SPIDR: variants seen among roughly 807,000 people sequenced by gnomAD.
SPIDR encodes DNA repair-scaffolding protein.
Under a neutral mutation model 104.6 loss-of-function variants are expected in SPIDR, and 93 were observed. That is an observed-to-expected ratio of 0.89 (90% CI 0.75 to 1.06). SPIDR has a LOEUF of 1.06. Among genes scored for constraint, SPIDR ranks in the 50% least tolerant of loss-of-function variants. The probability of loss-of-function intolerance (pLI) is 0.00; values close to 1 mark genes in which losing one functional copy is unlikely to be tolerated. For synonymous variants in SPIDR, 431 were observed against 416.9 expected (o/e 1.03, Z -0.41); for missense variants, 1,154 against 1,111.2 (o/e 1.04, Z -0.55).
intron 8 of SPIDR, chr8:47,512,168 A>C: frequency 8.0e-6 from 3 of 377,262 alleles, no homozygotes; most frequent in Non-Finnish European, 9.9e-6. Flanking sequence ...GCCTCCCCAC[A>C]TCCACTACTT....
In SPIDR at chr8:47,368,343, CAAAAAAAAAAAAAAAAAAAAAAAAAAA is replaced by C. The variant is rs34106189; in HGVS notation, c.526-28018_526-27992del. On this transcript the variant is annotated intron_variant, in intron 5 of 19. Coordinates refer to ENST00000297423, the MANE Select transcript of SPIDR (RefSeq NM_001080394.4). The stretch of plus-strand genomic sequence containing the variant: ...ACAGAGTCAGAAGGAGTTGAGAAGT[CAAAAAAAAAAAAAAAAAAAAAAAAAAA>C]AAAAAAAAAAAAAAGGATTTTGCTA... 5.9e-4 allele frequency among the ~76,000 whole-genome samples: 29 copies of C among 49,422 alleles called. No homozygotes were observed. In the East Asian group the frequency reaches 0.011, roughly 19 times the overall value. 32.4% of individuals were successfully genotyped at this position (49,422 alleles called of 152,430 possible). A position where few individuals can be genotyped will look rare whatever the true frequency, so the allele number is the denominator to read the frequency against.
At chr8:47,511,970 TG>T in intron 8 of SPIDR, 2 of 789,232 alleles carry the variant, frequency 2.5e-6, no homozygotes, top group African/African-American at 1.7e-5. Flanking sequence ...GACACTGAAC[TG>T]GGGGTTGCCT....
intron 5 of SPIDR, among the ~76,000 whole-genome samples, chr8:47,325,704 G>A (rs1408896964): frequency 2.6e-5 from 4 of 152,106 alleles, no homozygotes; most frequent in African/African-American, 9.7e-5. Context: ...TTCAACATTC[G>A]AGACAGAGTT....
At chr8:47,699,789 A>G (rs1344131988) in intron 11 of SPIDR, among the ~76,000 whole-genome samples, 1 of 152,216 alleles carries the variant, frequency 6.6e-6, no homozygotes, top group Non-Finnish European at 1.5e-5. Context: ...TGCTGACCTC[A>G]GGTGATCCAT....
chr8:47,499,380 T>G (rs61376238), intron 8 of SPIDR, among the ~76,000 whole-genome samples: 2,755 of 152,208 alleles, frequency 0.018, 86 homozygotes, highest in African/African-American at 0.064. Context: ...TGGGGTTTCC[T>G]CTAAAATATA....
chr8:47,515,284 G>T (rs2082944823), intron 8 of SPIDR, among the ~76,000 whole-genome samples: 1 of 152,204 alleles, frequency 6.6e-6, no homozygotes, highest in Non-Finnish European at 1.5e-5. Flanking sequence ...ATTACTTACA[G>T]AATTAAGCTC....
At chr8:47,673,641 T>TC (rs2154472381) in intron 10 of SPIDR, 160 bp from the exon 11 acceptor site, 1 of 943,550 alleles carries the variant, frequency 1.1e-6, no homozygotes, top group South Asian at 1.5e-5. Flanking sequence ...ACAGTGGATT[T>TC]CTTTTTTTTT....
intron 5 of SPIDR, among the ~76,000 whole-genome samples, chr8:47,299,461 G>T (rs1230045556): frequency 5.3e-5 from 8 of 152,134 alleles, no homozygotes; most frequent in Non-Finnish European, 1.0e-4. Context: ...CTGCCTGATT[G>T]CCCTGGCCAG....
chr8:47,734,634 G>C lies in SPIDR; in HGVS notation c.2605-673G>C, dbSNP rs536603504. Among the ~76,000 whole-genome samples, 3 of 151,138 alleles carry C rather than the reference G, an allele frequency of 2.0e-5. No individual in the cohort carries two copies. The South Asian group carries it at 6.5e-4, about 33-fold the overall frequency. ...AAAGCCAGAGATGGAATATCTCAGT[G>C]CTTCTGAGCCTTTATTTTCAGCCCT... On this transcript the variant is annotated intron_variant, in intron 19 of 19. Transcript: ENST00000297423.
At chr8:47,623,755 A>G (rs1432388499) in intron 10 of SPIDR, among the ~76,000 whole-genome samples, 1 of 152,216 alleles carries the variant, frequency 6.6e-6, no homozygotes, top group African/African-American at 2.4e-5. Flanking sequence ...TGAGTGACTT[A>G]CAGAGACTTA....
At chr8:47,326,818 G>T (rs932467631) in intron 5 of SPIDR, among the ~76,000 whole-genome samples, 42 of 152,296 alleles carry the variant, frequency 2.8e-4, no homozygotes, top group Middle Eastern at 3.4e-3. Context: ...ATGTTCCATT[G>T]AATGTATATG....
At chr8:47,642,572 G>T (rs567634402) in intron 10 of SPIDR, among the ~76,000 whole-genome samples, 3 of 152,018 alleles carry the variant, frequency 2.0e-5, no homozygotes, top group African/African-American at 4.8e-5. Flanking sequence ...AATGTTTTTC[G>T]TATGCAAGAA....
In SPIDR at chr8:47,500,625, G is replaced by C. The variant is rs575594883; in HGVS notation, c.1097+60083G>C. 3.9e-5 allele frequency among the ~76,000 whole-genome samples: 6 copies of C among 152,188 alleles called. No individual in the cohort carries two copies. In the East Asian group the frequency reaches 1.2e-3, roughly 29 times the overall value. On this transcript the variant is annotated intron_variant, in intron 8 of 19. Transcript: ENST00000297423. ...CACTCTGATGGTAGTTTCTTTTGCC[G>C]TGCAGAAGCTCTTTAGTTTAATTGA...
At chr8:47,689,808 C>T (rs1354380539) in intron 11 of SPIDR, among the ~76,000 whole-genome samples, 8 of 152,208 alleles carry the variant, frequency 5.3e-5, no homozygotes, top group Admixed American at 5.2e-4. Context: ...CCAAGGCCAG[C>T]CGTGGCACAC....
intron 10 of SPIDR, among the ~76,000 whole-genome samples, chr8:47,666,362 T>G (rs1209004212): frequency 6.6e-6 from 1 of 152,232 alleles, no homozygotes. Context: ...TGATGATCTA[T>G]TCCTTATTGC....
intron 5 of SPIDR, among the ~76,000 whole-genome samples, chr8:47,306,900 C>T (rs1056374905): frequency 6.6e-6 from 1 of 152,130 alleles, no homozygotes; most frequent in African/African-American, 2.4e-5. Context: ...GTTAGTATAG[C>T]CACCTCTACT....
intron 8 of SPIDR, among the ~76,000 whole-genome samples, chr8:47,442,386 T>A (rs1323623936): frequency 6.6e-6 from 1 of 152,312 alleles, no homozygotes; most frequent in East Asian, 1.9e-4. Context: ...ATCCTGCCTA[T>A]TTTTCTATAA....
intron 3 of SPIDR, among the ~76,000 whole-genome samples, chr8:47,286,455 T>C (rs1322044745): frequency 6.6e-6 from 1 of 152,184 alleles, no homozygotes; most frequent in East Asian, 1.9e-4. Flanking sequence ...ACGTCTGTAG[T>C]CCCAGTTACT....
chr8:47,490,077 G>A (rs1395848933), intron 8 of SPIDR, among the ~76,000 whole-genome samples: 5 of 152,136 alleles, frequency 3.3e-5, no homozygotes, highest in Admixed American at 2.0e-4. Flanking sequence ...CCTACAGAAT[G>A]GGAGAACATT....
Sources: gnomAD v4.1 joint callset for allele counts (sites outside exome capture counted in the v4.1 genomes callset) on GRCh38, gnomAD v4.1.1 for gene constraint, MANE v1.5 for transcripts, NCBI Gene and HGNC (gene_info 2026-07-23, HGNC 2026-07-21) for gene names.